AK7: variants seen among roughly 807,000 people sequenced by gnomAD.
The protein encoded by AK7 is ATP-AMP transphosphorylase 7.
In AK7, 78 loss-of-function variants were observed where a neutral mutation model predicts 96.6. The observed-to-expected ratio is 0.81, with a 90% confidence interval of 0.67 to 0.97. The LOEUF is 0.97. AK7 is among the 50% of genes least tolerant of loss of function. AK7 has a pLI of 0.00. For missense variants in AK7, 855 were observed against 887.9 expected (o/e 0.96, Z 0.47); for synonymous variants, 302 against 317.2 (o/e 0.95, Z 0.51).
chr14:96,488,824 CTT>C lies in AK7; in HGVS notation c.*499_*500del, dbSNP rs11361139. 6.5e-3 allele frequency: 835 copies of C among 127,748 alleles called. No homozygotes were observed. The highest frequency in any genetic ancestry group is 8.2e-3 in the Non-Finnish European group (492 of 60,262). The allele number at this position is 127,748 out of a possible 1,614,324, so 7.9% of individuals were successfully genotyped here. ...GACAAGATTGGTGCCTGTAAGGTGG[CTT>C]TTTTTTTTTTTTTTTTTAAATGAAG... On this transcript the variant is annotated 3_prime_UTR_variant, in exon 18 of 18. Transcript: ENST00000267584.
At position 96,395,136 on chromosome 14, in the gene AK7, A is replaced by G. The variant is rs1889994082; in HGVS notation, c.105+2877A>G. 2.6e-5 allele frequency among the ~76,000 whole-genome samples: 4 copies of G among 152,194 alleles called. No individual in the cohort carries two copies. The South Asian group carries it at 8.3e-4, about 32-fold the overall frequency. On this transcript the variant is annotated intron_variant, in intron 1 of 17. Transcript: ENST00000267584. ...CACCTCAGTGTCCTGAGTAGCTGGGACTGCAGGCTGTGTATAACTTTTGTC... is the reference window on the plus strand; with the variant it reads ...CACCTCAGTGTCCTGAGTAGCTGGGGCTGCAGGCTGTGTATAACTTTTGTC...
intron 4 of AK7, among the ~76,000 whole-genome samples, chr14:96,410,059 G>A (rs1890948326): frequency 6.6e-6 from 1 of 152,076 alleles, no homozygotes; most frequent in African/African-American, 2.4e-5. Flanking sequence ...TGAATGATAT[G>A]GTCAATGGAA....
At chr14:96,448,860 G>A (rs1388713630) in intron 8 of AK7, among the ~76,000 whole-genome samples, 1 of 151,994 alleles carries the variant, frequency 6.6e-6, no homozygotes, top group South Asian at 2.1e-4. Flanking sequence ...GGAGGCTGAG[G>A]CAGGAGAATT....
rs777965563 is a variant in AK7, at chr14:96,446,613, G to A, written c.870+6G>A. ...CCCTGGAAGACATAGTCAAGGTACA[G>A]TGGTTTCATCCCATACTTTGATGAC... On this transcript the variant is annotated splice_donor_region_variant and intron_variant, in intron 8 of 17. Transcript: ENST00000267584. 1.9e-6 allele frequency: 3 copies of A among 1,612,768 alleles called. No individual in the cohort carries two copies. Among genetic ancestry groups the A allele is most frequent in the African/African-American group, 2.7e-5 (2 of 74,884 alleles).
At chr14:96,423,893 G>A in intron 5 of AK7, 1 of 994,560 alleles carries the variant, frequency 1.0e-6, no homozygotes. Flanking sequence ...GAGACCCCGA[G>A]CCCACATAAT....
intron 14 of AK7, among the ~76,000 whole-genome samples, chr14:96,474,930 A>G (rs1341962535): frequency 1.3e-5 from 2 of 152,228 alleles, no homozygotes; most frequent in African/African-American, 2.4e-5. Context: ...TAAAGCCTAG[A>G]GATTTATGCA....
intron 12 of AK7, among the ~76,000 whole-genome samples, chr14:96,470,111 C>T (rs1355283206): frequency 6.6e-6 from 1 of 151,602 alleles, no homozygotes; most frequent in Non-Finnish European, 1.5e-5. Flanking sequence ...AGCCACCGCG[C>T]CCGCCCGGGA....
At chr14:96,487,430 ATCT>A (rs1895838926) in intron 17 of AK7, among the ~76,000 whole-genome samples, 1 of 144,302 alleles carries the variant, frequency 6.9e-6, no homozygotes, top group Admixed American at 6.9e-5. Flanking sequence ...ATCTGCCTGA[ATCT>A]TTTTTTTTTT....
At chr14:96,394,248 TA>T (rs996802964) in intron 1 of AK7, among the ~76,000 whole-genome samples, 1 of 152,138 alleles carries the variant, frequency 6.6e-6, no homozygotes, top group Admixed American at 6.5e-5. Context: ...TGCACAGTGC[TA>T]GGGGGCAGTG....
intron 12 of AK7, among the ~76,000 whole-genome samples, chr14:96,467,586 C>T (rs758801513): frequency 3.9e-5 from 6 of 152,092 alleles, no homozygotes; most frequent in African/African-American, 7.2e-5. Context: ...GCAATCCACC[C>T]GCCTCGGCCT....
At chr14:96,449,202 A>G (rs1360181334) in intron 8 of AK7, among the ~76,000 whole-genome samples, 2 of 151,932 alleles carry the variant, frequency 1.3e-5, no homozygotes, top group African/African-American at 4.8e-5. Flanking sequence ...AGATCTCAAC[A>G]TGTAAATTCT....
chr14:96,449,677 G>A (rs1382622009), intron 8 of AK7, 125 bp from the exon 9 acceptor site: 10 of 632,054 alleles, frequency 1.6e-5, no homozygotes, highest in Admixed American at 2.8e-5. Context: ...CGGGTGATCC[G>A]CCCACCTTGG....
At chr14:96,440,188 C>A (rs1488639528) in intron 6 of AK7, among the ~76,000 whole-genome samples, 14 of 152,128 alleles carry the variant, frequency 9.2e-5, no homozygotes, top group African/African-American at 1.9e-4. Flanking sequence ...ATTGGCCAGG[C>A]TGGTCTTGAA....
chr14:96,461,953 T>G (rs1389120588), intron 12 of AK7, among the ~76,000 whole-genome samples: 2 of 152,220 alleles, frequency 1.3e-5, no homozygotes, highest in Non-Finnish European at 2.9e-5. Flanking sequence ...ATCCAAGGCT[T>G]AACCTAACAG....
intron 2 of AK7, among the ~76,000 whole-genome samples, chr14:96,401,297 A>G (rs1178417879): frequency 6.6e-6 from 1 of 152,170 alleles, no homozygotes; most frequent in African/African-American, 2.4e-5. Flanking sequence ...AGTCTTATCT[A>G]GAGAGACAGG....
intron 5 of AK7, among the ~76,000 whole-genome samples, chr14:96,436,132 T>G (rs1794200626): frequency 6.6e-6 from 1 of 152,210 alleles, no homozygotes; most frequent in Non-Finnish European, 1.5e-5. Context: ...GTTGAAAAAC[T>G]GTCTTGGACT....
chr14:96,471,898 A>G (rs1196185562), intron 13 of AK7, among the ~76,000 whole-genome samples: 5 of 152,156 alleles, frequency 3.3e-5, no homozygotes, highest in Non-Finnish European at 5.9e-5. Flanking sequence ...TGTGCGATAC[A>G]TTATCGTTGG....
chr14:96,423,692 C>G, intron 5 of AK7: 1 of 677,940 alleles, frequency 1.5e-6, no homozygotes. Context: ...CCGAGCTGCC[C>G]CCTACTTCCC....
chr14:96,480,881 C>T (rs927192784), intron 15 of AK7, among the ~76,000 whole-genome samples: 5 of 152,092 alleles, frequency 3.3e-5, no homozygotes, highest in Admixed American at 2.0e-4. Context: ...ATGGGGAGGG[C>T]GTCTCACAGC....
Sources: gnomAD v4.1 joint callset for allele counts (sites outside exome capture counted in the v4.1 genomes callset) on GRCh38, gnomAD v4.1.1 for gene constraint, MANE v1.5 for transcripts, NCBI Gene and HGNC (gene_info 2026-07-23, HGNC 2026-07-21) for gene names.